Variants in ADCY1 observed in about 807,000 individuals in gnomAD.
The protein encoded by ADCY1 is adenylate cyclase type 1.
A neutral mutation model predicts 105.4 loss-of-function variants in ADCY1; 28 were observed. The ratio of observed to expected loss-of-function variants is 0.27; its 90% CI spans 0.20 to 0.36. The LOEUF (loss-of-function observed/expected upper bound fraction) is 0.36, where lower values mean the gene tolerates loss of function less well. ADCY1 is among the 10% of genes least tolerant of loss of function. ADCY1 has a pLI of 1.00. For synonymous variants in ADCY1, 655 were observed against 623.8 expected, an observed-to-expected ratio of 1.05 and a Z score of -0.75; for missense variants, 977 against 1,434.2, an observed-to-expected ratio of 0.68 and a Z score of 5.15.
intron 4 of ADCY1, among the ~76,000 whole-genome samples, chr7:45,644,826 A>G (rs924379500): frequency 5.9e-5 from 9 of 152,238 alleles, no homozygotes; most frequent in Non-Finnish European, 1.3e-4. Context: ...TAAGCTTGCT[A>G]ACAAAAGCCA....
rs187569296 is a variant in ADCY1, at chr7:45,618,887, A to G, written c.909-3745A>G. Among the ~76,000 whole-genome samples the G allele has an allele frequency of 4.0e-3, 605 of 152,332 alleles. 3 individuals carry two copies. Among genetic ancestry groups the G allele is most frequent in the Non-Finnish European group, 4.8e-3 (329 of 68,006 alleles). The stretch of plus-strand genomic sequence containing the variant: ...GTATATATCCAAAGGGAAATAAACC[A>G]GTATGTCAAAGAGATATGTGCTCTC... On this transcript the variant is annotated intron_variant, in intron 3 of 19. Coordinates refer to ENST00000297323, the MANE Select transcript of ADCY1 (RefSeq NM_021116.4).
At chr7:45,678,378 C>A in intron 10 of ADCY1, 115 bp downstream of exon 10, 1 of 978,864 alleles carries the variant, frequency 1.0e-6, no homozygotes, top group African/African-American at 1.6e-5. Context: ...CAAGCTTCGT[C>A]TCCCACAGTT....
At chr7:45,644,620 T>C (rs1225042247) in intron 4 of ADCY1, among the ~76,000 whole-genome samples, 1 of 152,156 alleles carries the variant, frequency 6.6e-6, no homozygotes, top group Non-Finnish European at 1.5e-5. Context: ...GCAGCTCTTG[T>C]CCCTTAGGGC....
At chr7:45,609,782 A>G (rs977800221) in intron 2 of ADCY1, among the ~76,000 whole-genome samples, 12 of 152,300 alleles carry the variant, frequency 7.9e-5, no homozygotes, top group African/African-American at 2.6e-4. Flanking sequence ...ACTGAGGTCT[A>G]GGAAGGGGAA....
chr7:45,613,225 A>G (rs1197032646), intron 3 of ADCY1, among the ~76,000 whole-genome samples: 1 of 152,226 alleles, frequency 6.6e-6, no homozygotes, highest in Non-Finnish European at 1.5e-5. Flanking sequence ...TGAGAATTTC[A>G]ACAAAGAAAT....
Position 45,685,837 on chromosome 7 carries a change from A to G in ADCY1, c.2074-125A>G, listed in dbSNP as rs994049159. ...CATGAGGTCTGTGGCTTGGTGTGAT[A>G]GCACTGGGGGTGGGTCAGAGCAAAA... On this transcript the variant is annotated intron_variant, in intron 12 of 19. Coordinates refer to ENST00000297323, the MANE Select transcript of ADCY1 (RefSeq NM_021116.4). 4 of 1,212,646 alleles carry G rather than the reference A, an allele frequency of 3.3e-6. No individual in the cohort carries two copies. The African/African-American group carries it at 4.6e-5, about 14-fold the overall frequency. The allele number at this position is 1,212,646 out of a possible 1,614,324, so 75.1% of individuals were successfully genotyped here.
chr7:45,577,904 C>G (rs1185853441), intron 1 of ADCY1, among the ~76,000 whole-genome samples: 2 of 152,222 alleles, frequency 1.3e-5, no homozygotes, highest in African/African-American at 4.8e-5. Flanking sequence ...CTAAGGAGGC[C>G]TGGAAAAAGC....
Position 45,660,061 on chromosome 7 carries a change from A to C in ADCY1, c.1327A>C (p.Thr443Pro). The C allele has an allele frequency of 6.2e-7, 1 of 1,614,132 alleles. No individual in the cohort carries two copies. Among genetic ancestry groups the C allele is most frequent in the African/African-American group, 1.3e-5 (1 of 75,050 alleles). ...GLPGKVHITK[T>P]TLACLNGDYE... ...TTGTAGGAAGGTTCATATCACAAAGACGACCCTAGCGTGCTTGAATGGGGA... is the reference window on the plus strand; with the variant it reads ...TTGTAGGAAGGTTCATATCACAAAGCCGACCCTAGCGTGCTTGAATGGGGA... Residue 443 changes from threonine to proline, a missense_variant, in exon 7 of 20, where the codon ACG becomes CCG. Transcript: ENST00000297323.
chr7:45,659,629 T>G (rs770282930), intron 6 of ADCY1, among the ~76,000 whole-genome samples: 2 of 152,218 alleles, frequency 1.3e-5, no homozygotes, highest in Non-Finnish European at 1.5e-5. Flanking sequence ...CAGTGGGGTC[T>G]GCCCACTCCT....
At chr7:45,635,876 C>T (rs956153676) in intron 4 of ADCY1, among the ~76,000 whole-genome samples, 1 of 151,802 alleles carries the variant, frequency 6.6e-6, no homozygotes, top group African/African-American at 2.4e-5. Context: ...TCATGTCTTC[C>T]ATATCTTTAT....
intron 5 of ADCY1, among the ~76,000 whole-genome samples, chr7:45,649,743 G>A (rs1794759588): frequency 6.6e-6 from 1 of 152,342 alleles, no homozygotes; most frequent in South Asian, 2.1e-4. Flanking sequence ...GCCCACTTCT[G>A]GCACCTGTGT....
chr7:45,585,868 TG>T (rs1792707808), intron 1 of ADCY1, among the ~76,000 whole-genome samples: 1 of 151,780 alleles, frequency 6.6e-6, no homozygotes, highest in East Asian at 1.9e-4. Flanking sequence ...ACAGGTGCTG[TG>T]GGTGGGTGGG....
intron 1 of ADCY1, among the ~76,000 whole-genome samples, chr7:45,588,462 CATT>C (rs1350259675): frequency 6.6e-6 from 1 of 152,248 alleles, no homozygotes; most frequent in Non-Finnish European, 1.5e-5. Context: ...AGTTTTCTCT[CATT>C]AGGCAGAGCT....
intron 6 of ADCY1, among the ~76,000 whole-genome samples, chr7:45,658,478 G>A (rs537750170): frequency 6.6e-6 from 1 of 152,280 alleles, no homozygotes; most frequent in South Asian, 2.1e-4. Context: ...TCTCCCTTTT[G>A]TATGATCTCG....
At chr7:45,611,858 A>T (rs1793602175) in intron 3 of ADCY1, among the ~76,000 whole-genome samples, 2 of 152,132 alleles carry the variant, frequency 1.3e-5, no homozygotes, top group African/African-American at 4.8e-5. Context: ...GTTCTTCTGG[A>T]TGTTGGTGTC....
At chr7:45,648,570 C>T (rs1397633297) in intron 4 of ADCY1, 100 bp from the exon 5 acceptor site, 19 of 1,512,374 alleles carry the variant, frequency 1.3e-5, no homozygotes, top group East Asian at 9.2e-5. Context: ...GTCTTGCCAG[C>T]GCTCTGTGGC....
chr7:45,609,348 G>A (rs572949852), intron 2 of ADCY1, among the ~76,000 whole-genome samples: 48 of 152,286 alleles, frequency 3.2e-4, no homozygotes, highest in Middle Eastern at 3.4e-3. Context: ...GAGAGGAGGC[G>A]GAAGCATCTC....
In ADCY1 at chr7:45,686,885, C is replaced by T. The variant is rs374648486; in HGVS notation, c.2454+212C>T. Among the ~76,000 whole-genome samples, 4 of 152,128 alleles carry T rather than the reference C, an allele frequency of 2.6e-5. No individual in the cohort carries two copies. The highest frequency in any genetic ancestry group is 9.7e-5 in the African/African-American group (4 of 41,424). On this transcript the variant is annotated intron_variant, in intron 14 of 19. Transcript: ENST00000297323. The surrounding 1 kb of genome is among the most constrained non-coding windows in gnomAD (Gnocchi z 4.3). ...GTGGGAGCCATGCCTCGTGAGAGGACAGTTCAGAAGGTTGTGGGGTGCATG... is the reference window on the plus strand; with the variant it reads ...GTGGGAGCCATGCCTCGTGAGAGGATAGTTCAGAAGGTTGTGGGGTGCATG...
At chr7:45,589,966 G>A (rs1427526821) in intron 1 of ADCY1, among the ~76,000 whole-genome samples, 1 of 152,164 alleles carries the variant, frequency 6.6e-6, no homozygotes, top group Non-Finnish European at 1.5e-5. Context: ...ATTCTCGTGA[G>A]GACAGATTGT....
Sources: gnomAD v4.1 joint callset for allele counts (sites outside exome capture counted in the v4.1 genomes callset) on GRCh38, gnomAD v4.1.1 for gene constraint, Gnocchi (gnomAD v3.1) non-coding constraint, MANE v1.5 for transcripts, NCBI Gene and HGNC (gene_info 2026-07-23, HGNC 2026-07-21) for gene names.